The following TRIO variants were observed in gnomAD, a reference collection of about 807,000 sequenced individuals.
TRIO encodes trio Rho guanine nucleotide exchange factor.
TRIO carries 58 observed loss-of-function variants against 351.9 expected under a neutral mutation model. The observed-to-expected ratio is 0.16, with a 90% CI of 0.13 to 0.21. The LOEUF is 0.21. Ranked by LOEUF, TRIO falls within the 10% of genes least tolerant of loss-of-function variation. The pLI is 1.00. For synonymous variants in TRIO, 1,758 were observed against 1,595.7 expected (o/e 1.10, Z -2.42); for missense variants, 3,201 against 4,027.8 (o/e 0.79, Z 5.56).
At chr5:14,415,546 G>A (rs1749572033) in intron 33 of TRIO, among the ~76,000 whole-genome samples, 1 of 152,208 alleles carries the variant, frequency 6.6e-6, no homozygotes, top group Non-Finnish European at 1.5e-5. Context: ...GCCATTAACT[G>A]CGTTCGTGCA....
intron 9 of TRIO, among the ~76,000 whole-genome samples, chr5:14,326,095 C>G (rs980764242): frequency 1.1e-4 from 16 of 152,192 alleles, no homozygotes; most frequent in African/African-American, 3.1e-4. Flanking sequence ...CACACTCAGG[C>G]TTTCCCATAA....
chr5:14,502,173 C>T lies in TRIO; in HGVS notation c.8333-406C>T, dbSNP rs149613950. 1.1e-3 allele frequency among the ~76,000 whole-genome samples: 169 copies of T among 152,078 alleles called. 4 individuals carry two copies. The East Asian group carries it at 0.028, about 25-fold the overall frequency. On this transcript the variant is annotated intron_variant, in intron 53 of 56. Transcript: ENST00000344204. ...GCAACTTAGCCTCGAGGTGGTGCGG[C>T]CAGGTGAACGGGGAGGACCATCTGT...
intron 1 of TRIO, among the ~76,000 whole-genome samples, chr5:14,257,240 C>T (rs1795074918): frequency 6.6e-6 from 1 of 152,186 alleles, no homozygotes; most frequent in South Asian, 2.1e-4. Flanking sequence ...CCACCAGATC[C>T]AGGGGCCACT....
At chr5:14,311,939 C>A (rs928274357) in intron 8 of TRIO, among the ~76,000 whole-genome samples, 1 of 152,122 alleles carries the variant, frequency 6.6e-6, no homozygotes, top group Non-Finnish European at 1.5e-5. Context: ...CTTTTTAGAT[C>A]TAAAACACTG....
At chr5:14,287,161 T>A in intron 4 of TRIO, 98 bp downstream of exon 4, 1 of 1,174,552 alleles carries the variant, frequency 8.5e-7, no homozygotes, top group Non-Finnish European at 1.2e-6. Flanking sequence ...AACCACATAT[T>A]AAACAGGAGC....
intron 1 of TRIO, among the ~76,000 whole-genome samples, chr5:14,240,859 A>G (rs919095026): frequency 6.6e-6 from 1 of 152,132 alleles, no homozygotes; most frequent in African/African-American, 2.4e-5. Flanking sequence ...TTAACTATTG[A>G]GATGGTATTC....
chr5:14,205,212 A>G (rs543789219), intron 1 of TRIO, among the ~76,000 whole-genome samples: 1 of 152,370 alleles, frequency 6.6e-6, no homozygotes, highest in African/African-American at 2.4e-5. Context: ...CCTCAGCGCC[A>G]GGGAGGTGGA....
At chr5:14,171,101 A>G (rs759931510) in intron 1 of TRIO, among the ~76,000 whole-genome samples, 8 of 152,190 alleles carry the variant, frequency 5.3e-5, no homozygotes, top group East Asian at 1.9e-4. Context: ...AATTGTTACA[A>G]TTCTAGAGTA....
intron 34 of TRIO, among the ~76,000 whole-genome samples, chr5:14,422,989 A>C (rs893868001): frequency 1.3e-5 from 2 of 152,104 alleles, no homozygotes; most frequent in Non-Finnish European, 2.9e-5. Context: ...TTGTGGACGA[A>C]GTTTGCTTTG....
At chr5:14,462,653 G>C in intron 35 of TRIO, 102 bp from the exon 36 acceptor site, 1 of 1,471,868 alleles carries the variant, frequency 6.8e-7, no homozygotes, top group African/African-American at 1.4e-5. Context: ...CCTGATTTCT[G>C]CCATCCCAGT....
At chr5:14,284,537 A>G (rs1328921910) in intron 3 of TRIO, among the ~76,000 whole-genome samples, 1 of 152,208 alleles carries the variant, frequency 6.6e-6, no homozygotes, top group African/African-American at 2.4e-5. Context: ...GCGAATAGTT[A>G]ATCCTTCTGT....
chr5:14,495,914 G>T (rs1382427492), intron 49 of TRIO, among the ~76,000 whole-genome samples: 1 of 152,154 alleles, frequency 6.6e-6, no homozygotes, highest in Non-Finnish European at 1.5e-5. Context: ...CTTGCAGTGA[G>T]CCGAGTTCGC....
chr5:14,407,101 T>C (rs1217571881), intron 33 of TRIO, among the ~76,000 whole-genome samples: 2 of 152,152 alleles, frequency 1.3e-5, no homozygotes, highest in Non-Finnish European at 1.5e-5. Flanking sequence ...TAAAGAGTGT[T>C]GCTTACAGGT....
rs1422643969 is a variant in TRIO, at chr5:14,485,139, G to A, written c.6728G>A (p.Gly2243Asp). The change falls in exon 47 of 57, where the codon GGT becomes GAT. Residue 2243 changes from glycine (G) to aspartate (D), a missense_variant. Coordinates refer to ENST00000344204, the MANE Select transcript of TRIO (RefSeq NM_007118.4). ...AAATTTGCTCTGACATCGAGGACGG[G>A]TGACGTGGTAGAGACCTTCATTTTG... is the stretch of plus-strand genomic sequence containing the variant. The part of the protein sequence containing the change: ...PCKFALTSRT[G>D]DVVETFILHS... The A allele has an allele frequency of 2.5e-6, 4 of 1,592,008 alleles. No individual in the cohort carries two copies. In the African/African-American group the frequency reaches 5.4e-5, roughly 21 times the overall value.
chr5:14,358,419 C>G, intron 12 of TRIO, 72 bp downstream of exon 12: 2 of 1,559,110 alleles, frequency 1.3e-6, no homozygotes, highest in Non-Finnish European at 1.8e-6. Flanking sequence ...CCCTTTTACT[C>G]TTGTGAGTGG....
At position 14,461,026 on chromosome 5, in the gene TRIO, C is replaced by G. The variant is rs767204514; in HGVS notation, c.5211C>G (p.Leu1737=). The change falls in exon 35 of 57, where the codon CTC becomes CTG. Residue 1737 remains leucine (L), a synonymous_variant. Transcript: ENST00000344204. ...MEGIFNHKDS[L]SVSSNDASPP... ...TCTCTTTCTCCCTGGCAGACTCGCT[C>G]TCCGTCTCCAGCAATGACGCCAGTC... The G allele has an allele frequency of 1.3e-6, 2 of 1,569,420 alleles. No homozygotes were observed. The highest frequency in any genetic ancestry group is 2.3e-5 in the East Asian group (1 of 42,692).
At chr5:14,377,907 T>C (rs532979956) in intron 19 of TRIO, 105 bp from the exon 20 acceptor site, 1 of 816,386 alleles carries the variant, frequency 1.2e-6, no homozygotes, top group South Asian at 1.6e-5. Context: ...TCGTGCTGTC[T>C]TGCAATGGCA....
At chr5:14,232,002 A>G (rs984756615) in intron 1 of TRIO, among the ~76,000 whole-genome samples, 2 of 152,198 alleles carry the variant, frequency 1.3e-5, no homozygotes, top group African/African-American at 2.4e-5. Flanking sequence ...GGACTTAATT[A>G]TAACAGCAGC....
At chr5:14,323,803 A>T (rs1740120928) in intron 9 of TRIO, among the ~76,000 whole-genome samples, 1 of 152,260 alleles carries the variant, frequency 6.6e-6, no homozygotes, top group African/African-American at 2.4e-5. Flanking sequence ...GAATTCCAGT[A>T]AACTCAGAAG....
Sources: allele counts gnomAD v4.1 joint callset (sites outside exome capture counted in the v4.1 genomes callset), GRCh38; gene constraint gnomAD v4.1.1; transcripts MANE v1.5; gene names NCBI Gene and HGNC (gene_info 2026-07-23, HGNC 2026-07-21).